The following PKHD1 variants were observed in gnomAD, a reference collection of about 807,000 sequenced individuals.
The protein encoded by PKHD1 is fibrocystin.
In PKHD1, 291 loss-of-function variants were observed where a neutral mutation model predicts 412.0. That is an observed-to-expected ratio of 0.71 (90% CI 0.64 to 0.78). The LOEUF is 0.78. Among genes scored for constraint, PKHD1 ranks in the 30% least tolerant of loss-of-function variants. The pLI is 0.00. For missense variants in PKHD1, 4,825 were observed against 4,950.7 expected (o/e 0.97, Z 0.76); for synonymous variants, 1,777 against 1,821.5 (o/e 0.98, Z 0.62).
At chr6:52,070,574 G>A (rs1810457999) in intron 9 of PKHD1, 129 bp from the exon 10 acceptor site, 2 of 686,818 alleles carry the variant, frequency 2.9e-6, no homozygotes, top group African/African-American at 1.8e-5. Flanking sequence ...TTCTTTAGTG[G>A]TTCCCCCCCG....
At chr6:51,765,669 C>G (rs914127379) in intron 55 of PKHD1, among the ~76,000 whole-genome samples, 5 of 152,086 alleles carry the variant, frequency 3.3e-5, no homozygotes, top group African/African-American at 1.2e-4. Flanking sequence ...GACTTCCTTA[C>G]CAGCATATTT....
chr6:51,624,750 C>A (rs1052250626), intron 66 of PKHD1, among the ~76,000 whole-genome samples: 1 of 152,192 alleles, frequency 6.6e-6, no homozygotes, highest in African/African-American at 2.4e-5. Context: ...ATAACCATAA[C>A]TATGGCCAGT....
At chr6:52,081,469 A>G (rs545499300) in intron 4 of PKHD1, among the ~76,000 whole-genome samples, 1 of 152,316 alleles carries the variant, frequency 6.6e-6, no homozygotes, top group East Asian at 1.9e-4. Flanking sequence ...GAGGAGTCTG[A>G]CAAGTGGGTA....
chr6:51,961,297 G>A (rs1375226046), intron 35 of PKHD1, among the ~76,000 whole-genome samples: 1 of 152,084 alleles, frequency 6.6e-6, no homozygotes, highest in Non-Finnish European at 1.5e-5. Flanking sequence ...CAAACCCCAA[G>A]GTCAACAGTG....
intron 36 of PKHD1, among the ~76,000 whole-genome samples, chr6:51,956,732 T>C (rs1225958836): frequency 6.6e-6 from 1 of 152,088 alleles, no homozygotes; most frequent in Non-Finnish European, 1.5e-5. Context: ...GATTAGTTGA[T>C]ATTTTCTCAA....
intron 13 of PKHD1, among the ~76,000 whole-genome samples, chr6:52,064,649 G>T (rs1442428748): frequency 6.6e-6 from 1 of 152,014 alleles, no homozygotes; most frequent in Non-Finnish European, 1.5e-5. Context: ...CGGGCAGTTT[G>T]GGGGTTTCTT....
At chr6:51,901,289 G>C (rs1781233129) in intron 43 of PKHD1, among the ~76,000 whole-genome samples, 2 of 152,188 alleles carry the variant, frequency 1.3e-5, no homozygotes, top group African/African-American at 4.8e-5. Flanking sequence ...AACAATGATA[G>C]ACTGCATCAA....
intron 27 of PKHD1, among the ~76,000 whole-genome samples, chr6:52,036,401 G>A (rs1803954578): frequency 6.6e-6 from 1 of 152,198 alleles, no homozygotes; most frequent in Non-Finnish European, 1.5e-5. Context: ...GAAGAGAGTT[G>A]GCTCCAGTTC....
intron 63 of PKHD1, among the ~76,000 whole-genome samples, chr6:51,646,008 T>C (rs1275494226): frequency 6.6e-6 from 1 of 152,238 alleles, no homozygotes; most frequent in Non-Finnish European, 1.5e-5. Context: ...TGGGACACTT[T>C]TTAAATTTTC....
intron 41 of PKHD1, among the ~76,000 whole-genome samples, chr6:51,905,144 A>G (rs1467742488): frequency 2.6e-5 from 4 of 152,230 alleles, no homozygotes; most frequent in Non-Finnish European, 1.5e-5. Context: ...ATAGAATTAA[A>G]TATCAAACGG....
Position 52,044,992 on chromosome 6 carries a change from A to G in PKHD1, c.2689T>C (p.Leu897=). 6.2e-7 allele frequency: 1 copy of G among 1,613,680 alleles called. No individual in the cohort carries two copies. Among genetic ancestry groups the G allele is most frequent in the Non-Finnish European group, 8.5e-7 (1 of 1,179,624 alleles). Residue 897 remains leucine, a synonymous_variant, in exon 25 of 67, where the codon TTG becomes CTG. Coordinates refer to ENST00000371117, the MANE Select transcript of PKHD1 (RefSeq NM_138694.4). ...TGAGTATGCTGGTTGGCAGTAGCCA[A>G]CATGTCTCCAAATATGGGTCCAAGA... The part of the protein sequence containing the change: ...VFLGPIFGDM[L]ATANQHTQVV...
chr6:51,998,291 G>C (rs1475134300), intron 35 of PKHD1, among the ~76,000 whole-genome samples: 15 of 151,816 alleles, frequency 9.9e-5, no homozygotes, highest in African/African-American at 3.6e-4. Context: ...TTCTATACAA[G>C]TCCTATGGCC....
At position 52,025,281 on chromosome 6, in the gene PKHD1, G is replaced by T. The variant is rs758834151; in HGVS notation, c.4529C>A (p.Ala1510Asp). The T allele has an allele frequency of 5.6e-6, 9 of 1,613,866 alleles. No homozygotes were observed. The highest frequency in any genetic ancestry group is 2.2e-5 in the East Asian group (1 of 44,892). Residue 1510 changes from alanine (A) to aspartate (D), a missense_variant, in exon 32 of 67, where the codon GCC (alanine) becomes GAC (aspartate). Transcript: ENST00000371117. ...TACCATCGGCTCATCAGCTGTGGTG[G>T]CTAACCTCTGACCCCTAATCAGCAC... Reference protein sequence around the residue: ...TTVLIRGQRLATTADEPMVFV... With the variant: ...TTVLIRGQRLDTTADEPMVFV...
Position 51,904,009 on chromosome 6 carries a change from T to A in PKHD1, c.6842A>T (p.Glu2281Val). 6.3e-7 allele frequency: 1 copy of A among 1,592,986 alleles called. No individual in the cohort carries two copies. The highest frequency in any genetic ancestry group is 8.6e-7 in the Non-Finnish European group (1 of 1,161,024). Residue 2281 changes from glutamate to valine, a missense_variant, in exon 42 of 67, where the codon GAG (glutamate) becomes GTG (valine). Glu to Val is a moderately radical substitution (Grantham distance 121). Transcript: ENST00000371117. ...TCTEMRYISW[E>V]AIHGRKDDWS... Reference sequence around the variant, plus strand: ...ACCATCTTTCCTTCCATGAATTGCCTCCCAGGAGATATATCTCATCTCCGT... The same window carrying A: ...ACCATCTTTCCTTCCATGAATTGCCACCCAGGAGATATATCTCATCTCCGT...
intron 45 of PKHD1, among the ~76,000 whole-genome samples, chr6:51,883,736 C>T (rs1378621902): frequency 1.3e-5 from 2 of 152,212 alleles, no homozygotes; most frequent in East Asian, 3.9e-4. Context: ...ACAAAATTAG[C>T]TTGGTAGAGT....
At position 51,847,926 on chromosome 6, in the gene PKHD1, C is replaced by A. The variant is rs375920156; in HGVS notation, c.7956G>T (p.Leu2652=). 44 of 1,613,910 alleles carry A rather than the reference C, an allele frequency of 2.7e-5. No individual in the cohort carries two copies. Among genetic ancestry groups the A allele is most frequent in the Non-Finnish European group, 3.6e-5 (43 of 1,179,936 alleles). Residue 2652 remains leucine (L), a synonymous_variant, in exon 50 of 67, where the codon CTG becomes CTT. Coordinates refer to ENST00000371117, the MANE Select transcript of PKHD1 (RefSeq NM_138694.4). ...AAGGCGGCAAATCTGTGTGCACCAGCAGTAGGTAATTACCAGGAGCAAAGT... is the reference window on the plus strand; with the variant it reads ...AAGGCGGCAAATCTGTGTGCACCAGAAGTAGGTAATTACCAGGAGCAAAGT... ...FDNFAPGNYL[L]LVHTDLPPYP...
intron 35 of PKHD1, among the ~76,000 whole-genome samples, chr6:52,010,108 A>G (rs1014709194): frequency 1.3e-5 from 2 of 152,194 alleles, no homozygotes; most frequent in Non-Finnish European, 2.9e-5. Context: ...GGCAACACTC[A>G]TTTATTTTTG....
At chr6:51,665,623 C>T (rs1281512046) in intron 60 of PKHD1, among the ~76,000 whole-genome samples, 1 of 152,106 alleles carries the variant, frequency 6.6e-6, no homozygotes. Flanking sequence ...TTGGAATAAA[C>T]CAGTCTAACA....
In PKHD1 at chr6:51,632,598, C is replaced by G. The variant is rs765969591; in HGVS notation, c.11632G>C (p.Val3878Leu). The change falls in exon 65 of 67, where the codon GTG becomes CTG. Residue 3878 changes from valine (V) to leucine (L), a missense_variant. Coordinates refer to ENST00000371117, the MANE Select transcript of PKHD1 (RefSeq NM_138694.4). ...TTGCTTCTTTTAAGCCAACAGCACA[C>G]CAGACAGCTCAGAGCCAGCCATGAG... Reference protein sequence around the residue: ...VASWLALSCLVCCWLKRSKSR... With the variant: ...VASWLALSCLLCCWLKRSKSR... The G allele has an allele frequency of 6.2e-7, 1 of 1,613,130 alleles. No individual in the cohort carries two copies. Among genetic ancestry groups the G allele is most frequent in the Admixed American group, 1.7e-5 (1 of 59,920 alleles).
Sources: allele counts gnomAD v4.1 joint callset (sites outside exome capture counted in the v4.1 genomes callset), GRCh38; gene constraint gnomAD v4.1.1; transcripts MANE v1.5; gene names NCBI Gene and HGNC (gene_info 2026-07-23, HGNC 2026-07-21).